PALM2AKAP2: variants seen among roughly 807,000 people sequenced by gnomAD.
The protein encoded by PALM2AKAP2 is PALM2 and AKAP2 fusion, also known as PALM2-AKAP2 fusion protein.
A neutral mutation model predicts 71.5 loss-of-function variants in PALM2AKAP2; 37 were observed. That is an observed-to-expected ratio of 0.52 (90% confidence interval 0.40 to 0.68). The LOEUF (loss-of-function observed/expected upper bound fraction) is 0.68, where lower values mean the gene tolerates loss of function less well. PALM2AKAP2 is among the 30% of genes least tolerant of loss of function. The pLI is 0.00. For synonymous variants in PALM2AKAP2, 468 were observed against 478.8 expected, an observed-to-expected ratio of 0.98 and a Z score of 0.29; for missense variants, 1,224 against 1,191.8, an observed-to-expected ratio of 1.03 and a Z score of -0.40.
intron 6 of PALM2AKAP2, among the ~76,000 whole-genome samples, chr9:109,997,282 A>G (rs1055444204): frequency 2.0e-5 from 3 of 152,212 alleles, no homozygotes; most frequent in African/African-American, 7.2e-5. Flanking sequence ...TAACTTTTGC[A>G]AGCCTGTTTT....
At chr9:109,675,910 A>T (rs1342309828) in intron 1 of PALM2AKAP2, among the ~76,000 whole-genome samples, 1 of 152,162 alleles carries the variant, frequency 6.6e-6, no homozygotes. Context: ...TTTTCAAATG[A>T]TGATGGAAAA....
intron 6 of PALM2AKAP2, chr9:109,945,728 C>T (rs1363759069): frequency 6.6e-6 from 1 of 152,146 alleles, no homozygotes; most frequent in Non-Finnish European, 1.5e-5. Context: ...GAATGTAGAA[C>T]CTTTAAGCTT....
intron 1 of PALM2AKAP2, among the ~76,000 whole-genome samples, chr9:109,724,453 T>A (rs1010645253): frequency 1.3e-5 from 2 of 152,042 alleles, no homozygotes; most frequent in African/African-American, 4.8e-5. Context: ...CCAATAAAAA[T>A]GAGAAAGGAG....
upstream of PALM2AKAP2, among the ~76,000 whole-genome samples, chr9:109,776,223 G>A (rs1172985416): frequency 6.6e-6 from 1 of 152,116 alleles, no homozygotes; most frequent in African/African-American, 2.4e-5. Context: ...GTTTGTAATG[G>A]GTTCAAAGAT....
chr9:109,657,938 T>TTGTGTGTG (rs35984840), intron 1 of PALM2AKAP2, among the ~76,000 whole-genome samples: 16,251 of 142,402 alleles, frequency 0.11, 982 homozygotes, highest in Middle Eastern at 0.21. Flanking sequence ...TTGTGTGTGT[T>TTGTGTGTG]TGTGTGTGTG....
chr9:109,918,858 T>G (rs183439639), intron 3 of PALM2AKAP2, among the ~76,000 whole-genome samples: 1 of 152,342 alleles, frequency 6.6e-6, no homozygotes, highest in South Asian at 2.1e-4. Context: ...TGAAACTCAG[T>G]TGTTGTTATC....
Position 110,030,339 on chromosome 9 carries a change from T to C in PALM2AKAP2, c.582+14300T>C, listed in dbSNP as rs185995122. On this transcript the variant is annotated intron_variant, in intron 7 of 9. Coordinates refer to the PALM2AKAP2 transcript ENST00000302798. ...ATGTGTTGACAGACTTCATTCAGTC[T>C]TTCTTCCTGCTATATGAGTTGCTAA... 3.7e-3 allele frequency among the ~76,000 whole-genome samples: 568 copies of C among 152,322 alleles called. 5 individuals carry two copies. Among genetic ancestry groups the C allele is most frequent in the African/African-American group, 0.013 (548 of 41,562 alleles).
intron 3 of PALM2AKAP2, among the ~76,000 whole-genome samples, 195 bp downstream of exon 9, chr9:110,156,692 G>C (rs187634510): frequency 6.6e-6 from 1 of 152,134 alleles, no homozygotes; most frequent in Non-Finnish European, 1.5e-5. Flanking sequence ...AAAAATTGTT[G>C]ATCTTGCAGG....
At chr9:109,868,501 C>T (rs1225352365) in intron 2 of PALM2AKAP2, among the ~76,000 whole-genome samples, 1 of 152,144 alleles carries the variant, frequency 6.6e-6, no homozygotes, top group Non-Finnish European at 1.5e-5. Context: ...GAAGGTGGTG[C>T]TGACTTTCGG....
intron 7 of PALM2AKAP2, chr9:110,024,964 G>A (rs1833149571): frequency 7.5e-7 from 1 of 1,332,172 alleles, no homozygotes; most frequent in Non-Finnish European, 1.1e-6. Flanking sequence ...TCTCTGGGTG[G>A]AGCAGGCTGG....
chr9:109,984,888 A>T (rs550210472), intron 6 of PALM2AKAP2, among the ~76,000 whole-genome samples: 2 of 151,984 alleles, frequency 1.3e-5, no homozygotes, highest in South Asian at 2.1e-4. Flanking sequence ...AAAAAATTTT[A>T]AAAAGGCCGG....
chr9:109,811,371 G>T (rs972992649), intron 1 of PALM2AKAP2, among the ~76,000 whole-genome samples: 1 of 151,940 alleles, frequency 6.6e-6, no homozygotes, highest in African/African-American at 2.4e-5. Flanking sequence ...ACATGAGGTG[G>T]GTGCGGGGCA....
intron 1 of PALM2AKAP2, among the ~76,000 whole-genome samples, chr9:109,822,278 TCC>T (rs1364295722): frequency 4.0e-5 from 6 of 151,346 alleles, no homozygotes; most frequent in African/African-American, 1.5e-4. Context: ...TATCCATCCA[TCC>T]ATCCATCCAT....
intron 1 of PALM2AKAP2, among the ~76,000 whole-genome samples, chr9:109,718,117 G>C (rs921619817): frequency 2.0e-5 from 3 of 151,334 alleles, no homozygotes; most frequent in African/African-American, 7.3e-5. Context: ...GTCTCATTCT[G>C]TCGCCCAGGC....
intron 1 of PALM2AKAP2, among the ~76,000 whole-genome samples, chr9:110,066,265 T>C (rs1006394207): frequency 2.0e-5 from 3 of 152,234 alleles, no homozygotes; most frequent in African/African-American, 7.2e-5. Context: ...GAGCCCAAGC[T>C]GAAATCCTGG....
At chr9:109,680,072 C>G (rs1347856086) in intron 1 of PALM2AKAP2, among the ~76,000 whole-genome samples, 6 of 152,162 alleles carry the variant, frequency 3.9e-5, no homozygotes. Flanking sequence ...CACATTTATT[C>G]TGGGAACTAA....
At chr9:110,013,821 AATT>A (rs757520141) in intron 6 of PALM2AKAP2, among the ~76,000 whole-genome samples, 13 of 152,232 alleles carry the variant, frequency 8.5e-5, no homozygotes, top group Non-Finnish European at 1.5e-4. Flanking sequence ...AATTTCAAGT[AATT>A]ATTAGTCATT....
At chr9:109,792,950 C>T (rs1028265162) in intron 1 of PALM2AKAP2, among the ~76,000 whole-genome samples, 1 of 152,146 alleles carries the variant, frequency 6.6e-6, no homozygotes, top group Non-Finnish European at 1.5e-5. Flanking sequence ...ACATTCATGC[C>T]ACATTCTCAT....
chr9:109,970,633 C>T (rs1257393851), intron 6 of PALM2AKAP2, among the ~76,000 whole-genome samples: 1 of 152,240 alleles, frequency 6.6e-6, no homozygotes, highest in Non-Finnish European at 1.5e-5. Flanking sequence ...CCTGGTGATA[C>T]ATTCAGCACT....
Sources: allele counts gnomAD v4.1 joint callset (sites outside exome capture counted in the v4.1 genomes callset), GRCh38; gene constraint gnomAD v4.1.1; transcripts MANE v1.5; gene names NCBI Gene and HGNC (gene_info 2026-07-23, HGNC 2026-07-21).